KCNN1: variants seen among roughly 807,000 people sequenced by gnomAD.
KCNN1 encodes potassium calcium-activated channel subfamily N member 1, also known as small conductance calcium-activated potassium channel protein 1.
Under a neutral mutation model 44.7 loss-of-function variants are expected in KCNN1, and 20 were observed. The observed-to-expected ratio is 0.45, with a 90% CI of 0.32 to 0.65. KCNN1 has a LOEUF of 0.65. KCNN1 is among the 30% of genes least tolerant of loss of function. The pLI, the probability that KCNN1 is intolerant of heterozygous loss-of-function variation, is 0.05. For synonymous variants in KCNN1, 324 were observed against 341.7 expected (o/e 0.95, Z 0.57); for missense variants, 632 against 785.3 (o/e 0.80, Z 2.33).
chr19:17,997,551 G>A (rs1169928122), intron 9 of KCNN1, among the ~76,000 whole-genome samples: 1 of 151,964 alleles, frequency 6.6e-6, no homozygotes, highest in African/African-American at 2.4e-5. Flanking sequence ...TCACTCAGGC[G>A]CACTGAAACC....
In KCNN1 at chr19:17,993,837, G is replaced by A. The variant is rs2032888365; in HGVS notation, c.1377+278G>A. Reference sequence around the variant, plus strand: ...AGGGAGGAGAATCGCTTGAACTTGGGGGGTTGAGGCTGCAGTGAGCCGAGA... The same window carrying A: ...AGGGAGGAGAATCGCTTGAACTTGGAGGGTTGAGGCTGCAGTGAGCCGAGA... On this transcript the variant is annotated intron_variant, in intron 9 of 9. Transcript: ENST00000684775. The surrounding 1 kb of genome is among the most constrained non-coding windows in gnomAD (Gnocchi z 4.5). 6.6e-6 allele frequency among the ~76,000 whole-genome samples: 1 copy of A among 152,132 alleles called. No homozygotes were observed. The highest frequency in any genetic ancestry group is 2.1e-4 in the South Asian group (1 of 4,836).
Position 17,993,434 on chromosome 19 carries a change from C to A in KCNN1, c.1308-56C>A. The A allele has an allele frequency of 7.3e-7, 1 of 1,364,100 alleles. No individual in the cohort carries two copies. The highest frequency in any genetic ancestry group is 1.0e-6 in the Non-Finnish European group (1 of 964,194). 84.5% of individuals were successfully genotyped at this position (1,364,100 alleles called of 1,614,324 possible). On this transcript the variant is annotated intron_variant, in intron 8 of 9. Transcript: ENST00000684775. The surrounding 1 kb of genome is among the most constrained non-coding windows in gnomAD (Gnocchi z 4.5). ...GGGTGCATGAAAGTCCCTGCCCCCA[C>A]TGCAGCCTCCACGGGAACCTGCCTA...
At position 17,973,962 on chromosome 19, in the gene KCNN1, C is replaced by T. The variant is rs1280596601; in HGVS notation, c.74C>T (p.Pro25Leu). Residue 25 changes from proline (P) to leucine (L), a missense_variant, in exon 2 of 10, where the codon CCT becomes CTT. By Grantham distance (98) the Pro-to-Leu change is moderately conservative. Around this residue, in one of 3 missense-constraint regions of KCNN1, gnomAD observed 235 missense variants for 224.0 expected, o/e 1.05. Coordinates refer to ENST00000684775, the MANE Select transcript of KCNN1 (RefSeq NM_001386974.1). The stretch of plus-strand genomic sequence containing the variant: ...GGGCCGGGCGCCCTGGGACGAGACC[C>T]TCCGGACCCTGAGGCCGGCCACCCC... Reference protein sequence around the residue: ...GSGPGALGRDPPDPEAGHPPQ... With the variant: ...GSGPGALGRDLPDPEAGHPPQ... 1 of 1,563,254 alleles carries T rather than the reference C, an allele frequency of 6.4e-7. No individual in the cohort carries two copies. The highest frequency in any genetic ancestry group is 8.6e-7 in the Non-Finnish European group (1 of 1,156,246).
intron 1 of KCNN1, 66 bp downstream of exon 1, chr19:17,967,383 G>A (rs2031850785): frequency 1.1e-6 from 1 of 884,262 alleles, no homozygotes; most frequent in Non-Finnish European, 1.4e-6. Context: ...GCCCGAGGAG[G>A]GAGGCACGTC....
At chr19:17,992,920 G>A in intron 7 of KCNN1, 134 bp from the exon 8 acceptor site, 1 of 1,120,488 alleles carries the variant, frequency 8.9e-7, no homozygotes, top group Non-Finnish European at 1.3e-6. Flanking sequence ...CAGCCCCTCG[G>A]CCATCTGGGA....
At chr19:17,957,793 CAGTT>C (rs1029928611) in intron 2 of KCNN1, among the ~76,000 whole-genome samples, 23 of 152,058 alleles carry the variant, frequency 1.5e-4, no homozygotes, top group African/African-American at 2.2e-4. Flanking sequence ...GGCATGGTCT[CAGTT>C]AGGATTTTCA....
chr19:17,982,262 A>G, intron 4 of KCNN1, 135 bp downstream of exon 4: 1 of 760,236 alleles, frequency 1.3e-6, no homozygotes, highest in South Asian at 1.9e-5. Context: ...ACTGCAAGAC[A>G]CCCGTGGTGC....
At chr19:17,989,554 C>G (rs149224767) in intron 6 of KCNN1, among the ~76,000 whole-genome samples, 162 bp from the exon 7 acceptor site, 12 of 152,332 alleles carry the variant, frequency 7.9e-5, no homozygotes, top group Non-Finnish European at 1.6e-4. Context: ...TATACACACA[C>G]TGCACAGATG....
chr19:17,957,613 G>C (rs553266965), intron 2 of KCNN1, among the ~76,000 whole-genome samples: 2 of 152,248 alleles, frequency 1.3e-5, no homozygotes, highest in African/African-American at 4.8e-5. Flanking sequence ...TGGCGTGTTT[G>C]AGGAACAGTG....
chr19:17,998,654 G>T lies in KCNN1; in HGVS notation c.*248G>T, dbSNP rs1007228684. 1.5e-4 allele frequency: 68 copies of T among 448,872 alleles called. No homozygotes were observed. Among genetic ancestry groups the T allele is most frequent in the Middle Eastern group, 5.6e-4 (1 of 1,770 alleles). 27.8% of individuals were successfully genotyped at this position (448,872 alleles called of 1,614,324 possible). Reference sequence around the variant, plus strand: ...CTCTCCCCAGGCCCCCGGTGGGCATGGAGCAGCCCGGGGAGGGGTCCGTGC... The same window carrying T: ...CTCTCCCCAGGCCCCCGGTGGGCATTGAGCAGCCCGGGGAGGGGTCCGTGC... On this transcript the variant is annotated 3_prime_UTR_variant, in exon 10 of 10. Transcript: ENST00000684775. This position sits in a 1 kb window ranked among gnomAD's most constrained non-coding sequence, Gnocchi z 5.4.
upstream of KCNN1, among the ~76,000 whole-genome samples, chr19:17,964,805 TC>T (rs886807725): frequency 3.9e-5 from 6 of 152,052 alleles, no homozygotes; most frequent in African/African-American, 1.4e-4. The surrounding 1 kb of genome is among the most constrained non-coding windows in gnomAD (Gnocchi z 4.3). Flanking sequence ...ATGGGGGCAG[TC>T]CCCGATCCCT....
chr19:17,958,244 G>T (rs1290746925), intron 2 of KCNN1, among the ~76,000 whole-genome samples: 1 of 152,046 alleles, frequency 6.6e-6, no homozygotes, highest in Non-Finnish European at 1.5e-5. Context: ...ACTTTGGGAG[G>T]CCAAGGTATG....
intron 1 of KCNN1, among the ~76,000 whole-genome samples, chr19:17,971,603 C>G (rs1306269650): frequency 6.6e-6 from 1 of 151,996 alleles, no homozygotes; most frequent in Non-Finnish European, 1.5e-5. Context: ...GGTGGGATTA[C>G]AGGCATGGGC....
chr19:17,975,690 G>C (rs915081052), intron 3 of KCNN1, among the ~76,000 whole-genome samples: 1 of 151,888 alleles, frequency 6.6e-6, no homozygotes, highest in Non-Finnish European at 1.5e-5. Flanking sequence ...CAAAGTGCTA[G>C]GATTACAGGT....
rs766201633 is a variant in KCNN1, at chr19:17,983,742, A to AC, written c.918-1564dup. Among the ~76,000 whole-genome samples, 187 of 142,558 alleles carry AC rather than the reference A, an allele frequency of 1.3e-3. No individual in the cohort carries two copies. Among genetic ancestry groups the AC allele is most frequent in the Non-Finnish European group, 1.8e-3 (115 of 64,994 alleles). The allele number at this position is 142,558 out of a possible 152,430, so 93.5% of individuals were successfully genotyped here. A position where few individuals can be genotyped will look rare whatever the true frequency, so the allele number is the denominator to read the frequency against. On this transcript the variant is annotated intron_variant, in intron 4 of 9. Coordinates refer to ENST00000684775, the MANE Select transcript of KCNN1 (RefSeq NM_001386974.1). This position sits in a 1 kb window ranked among gnomAD's most constrained non-coding sequence, Gnocchi z 4.5. ...CCGTGCTCCTGGGTGGTCCCGCGGC[A>AC]CCCCCCACCATCGCTCCGTCTGGAT... is the stretch of plus-strand genomic sequence containing the variant.
upstream of KCNN1, among the ~76,000 whole-genome samples, chr19:17,962,137 G>C (rs1484846096): frequency 6.6e-6 from 1 of 152,218 alleles, no homozygotes. Context: ...TGAGCGTGAG[G>C]AGGGAGGGGC....
chr19:17,990,672 C>T (rs1157198640), intron 7 of KCNN1, among the ~76,000 whole-genome samples: 2 of 151,042 alleles, frequency 1.3e-5, no homozygotes, highest in South Asian at 2.1e-4. Context: ...TGGTGGCGGA[C>T]GCCTGTAGTC....
chr19:17,963,249 G>A (rs573109813), upstream of KCNN1, among the ~76,000 whole-genome samples: 4 of 150,056 alleles, frequency 2.7e-5, 1 homozygote, highest in African/African-American at 7.4e-5. Context: ...TCCTGACCTC[G>A]TGATCCGCCT....
At position 17,974,394 on chromosome 19, in the gene KCNN1, G is replaced by T. The variant is rs2032136777; in HGVS notation, c.402+104G>T. 1 of 1,304,728 alleles carries T rather than the reference G, an allele frequency of 7.7e-7. No homozygotes were observed. The highest frequency in any genetic ancestry group is 1.6e-5 in the South Asian group (1 of 64,508). 80.8% of individuals were successfully genotyped at this position (1,304,728 alleles called of 1,614,324 possible). On this transcript the variant is annotated intron_variant, in intron 2 of 9. Coordinates refer to ENST00000684775, the MANE Select transcript of KCNN1 (RefSeq NM_001386974.1). This position sits in a 1 kb window ranked among gnomAD's most constrained non-coding sequence, Gnocchi z 7.3. ...GGCAGGGCCCCCCGGGAGATAGGGAGTGTTAGGGGGCTCCCGGAGGTGAGG... is the reference window on the plus strand; with the variant it reads ...GGCAGGGCCCCCCGGGAGATAGGGATTGTTAGGGGGCTCCCGGAGGTGAGG...
Sources: allele counts gnomAD v4.1 joint callset (sites outside exome capture counted in the v4.1 genomes callset), GRCh38; gene constraint gnomAD v4.1.1; regional missense constraint gnomAD v4.1.1; non-coding constraint Gnocchi (gnomAD v3.1); transcripts MANE v1.5; gene names NCBI Gene and HGNC (gene_info 2026-07-23, HGNC 2026-07-21).